Variants in GSTO1 observed in about 807,000 individuals in gnomAD.
The protein encoded by GSTO1 is glutathione S-transferase omega-1.
Under a neutral mutation model 23.8 loss-of-function variants are expected in GSTO1, and 27 were observed. The observed-to-expected ratio is 1.13, with a 90% CI of 0.83 to 1.56. The LOEUF (loss-of-function observed/expected upper bound fraction) is 1.56, where lower values mean the gene tolerates loss of function less well. Among genes scored for constraint, GSTO1 ranks in the 40% most tolerant of loss-of-function variants. The pLI, the probability that GSTO1 is intolerant of heterozygous loss-of-function variation, is 0.00. For synonymous variants in GSTO1, 105 were observed against 109.3 expected, an observed-to-expected ratio of 0.96 and a Z score of 0.25; for missense variants, 255 against 285.8, an observed-to-expected ratio of 0.89 and a Z score of 0.78.
intron 2 of GSTO1, among the ~76,000 whole-genome samples, chr10:104,255,571 T>G (rs1468019002): frequency 6.6e-6 from 1 of 152,176 alleles, no homozygotes; most frequent in African/African-American, 2.4e-5. Context: ...CAGCAGCTCT[T>G]TTAGCTTTGG....
At position 104,267,256 on chromosome 10, in the gene GSTO1, G is replaced by A; in HGVS notation, c.577G>A (p.Val193Ile). 7 of 1,611,742 alleles carry A rather than the reference G, an allele frequency of 4.3e-6. No homozygotes were observed. Among genetic ancestry groups the A allele is most frequent in the Non-Finnish European group, 5.9e-6 (7 of 1,178,396 alleles). The change falls in exon 6 of 6, where the codon GTA becomes ATA. Residue 193 changes from valine (V) to isoleucine (I), a missense_variant. Physicochemically the swap from Val to Ile is conservative, Grantham distance 29. Transcript: ENST00000369713. ...RLEAMKLNEC[V>I]DHTPKLKLWM... The stretch of plus-strand genomic sequence containing the variant: ...CATTTTTTCCTCTTCCCACAGGTGT[G>A]TAGACCACACTCCAAAACTGAAACT...
chr10:104,266,950 T>C (rs2011196356), intron 5 of GSTO1, among the ~76,000 whole-genome samples: 1 of 152,166 alleles, frequency 6.6e-6, no homozygotes, highest in African/African-American at 2.4e-5. Context: ...ATAATTAACA[T>C]AGAACATTCC....
chr10:104,255,660 T>G lies in GSTO1; in HGVS notation c.143+389T>G, dbSNP rs1157689026. On this transcript the variant is annotated intron_variant, in intron 2 of 5. Coordinates refer to ENST00000369713, the MANE Select transcript of GSTO1 (RefSeq NM_004832.3). The stretch of plus-strand genomic sequence containing the variant: ...CCCGTTCTTATTCCAGCTTAACTGT[T>G]AGTTGTTATTCTGAATGTATTGTTC... Among the ~76,000 whole-genome samples the G allele has an allele frequency of 2.6e-5, 4 of 152,300 alleles. No individual in the cohort carries two copies. The East Asian group carries it at 7.7e-4, about 29-fold the overall frequency.
intron 5 of GSTO1, among the ~76,000 whole-genome samples, chr10:104,266,495 G>A (rs540332901): frequency 2.0e-5 from 3 of 152,358 alleles, no homozygotes; most frequent in South Asian, 4.1e-4. Context: ...CCAGCACTTC[G>A]GGAGGCCGAG....
chr10:104,259,945 A>T (rs1394200882), intron 3 of GSTO1, 147 bp downstream of exon 3: 1 of 625,148 alleles, frequency 1.6e-6, no homozygotes, highest in Non-Finnish European at 2.9e-6. Context: ...AAGTCCTTTC[A>T]CGATCCAGTT....
Position 104,263,059 on chromosome 10 carries a change from AT to A in GSTO1, c.450del (p.Phe150LeufsTer4). ...AGLKEEFRKE[F>X]TKLEEVLTNK... is the part of the protein sequence containing the mutation. Reference sequence around the variant, plus strand: ...GCCTAAAAGAAGAATTTCGTAAAGAATTTACCAAGCTAGAGGAGGTAATTAT... The same window carrying A: ...GCCTAAAAGAAGAATTTCGTAAAGAATTACCAAGCTAGAGGAGGTAATTAT... On this transcript the variant is annotated frameshift_variant, in exon 4 of 6. Coordinates refer to ENST00000369713, the MANE Select transcript of GSTO1 (RefSeq NM_004832.3). LOFTEE classifies it high-confidence loss of function. 1 of 1,465,244 alleles carries A rather than the reference AT, an allele frequency of 6.8e-7. No homozygotes were observed. Among genetic ancestry groups the A allele is most frequent in the Non-Finnish European group, 9.6e-7 (1 of 1,046,194 alleles). The allele number at this position is 1,465,244 out of a possible 1,614,324, so 90.8% of individuals were successfully genotyped here.
At chr10:104,267,187 G>T in intron 5 of GSTO1, 65 bp from the exon 6 acceptor site, 3 of 994,634 alleles carry the variant, frequency 3.0e-6, no homozygotes, top group Non-Finnish European at 4.5e-6. Flanking sequence ...ATTACATATG[G>T]GAGACTCTGT....
At position 104,266,091 on chromosome 10, in the gene GSTO1, C is replaced by G. The variant is rs1171295245; in HGVS notation, c.473C>G (p.Thr158Ser). 2 of 1,563,742 alleles carry G rather than the reference C, an allele frequency of 1.3e-6. No homozygotes were observed. The highest frequency in any genetic ancestry group is 1.8e-6 in the Non-Finnish European group (2 of 1,134,406). Residue 158 changes from threonine (T) to serine (S), a missense_variant, in exon 5 of 6, where the codon ACT becomes AGT. By Grantham distance (58) the Thr-to-Ser change is moderately conservative (BLOSUM62 1). Transcript: ENST00000369713. ...ATGCTGTTTAATGTTCAGGTTCTGA[C>G]TAATAAGAAGACGACCTTCTTTGGT... ...KEFTKLEEVL[T>S]NKKTTFFGGN...
chr10:104,262,543 C>G (rs2011146340), intron 3 of GSTO1, among the ~76,000 whole-genome samples: 1 of 152,136 alleles, frequency 6.6e-6, no homozygotes, highest in African/African-American at 2.4e-5. Flanking sequence ...GAATCCCCAT[C>G]TCTACTAAAA....
At chr10:104,255,762 C>A (rs2091600270) in intron 2 of GSTO1, among the ~76,000 whole-genome samples, 1 of 152,210 alleles carries the variant, frequency 6.6e-6, no homozygotes, top group South Asian at 2.1e-4. Flanking sequence ...GAGTTTACTG[C>A]ACATATTCCT....
In GSTO1 at chr10:104,259,590, A is replaced by G. The variant is rs769393338; in HGVS notation, c.158A>G (p.Asn53Ser). 5.6e-6 allele frequency: 9 copies of G among 1,607,492 alleles called. No homozygotes were observed. In the South Asian group the frequency reaches 7.7e-5, roughly 14 times the overall value. ...GTGTCTTTCAGGCATGAAGTCATCAATATCAACCTGAAAAATAAGCCTGAG... is the reference window on the plus strand; with the variant it reads ...GTGTCTTTCAGGCATGAAGTCATCAGTATCAACCTGAAAAATAAGCCTGAG... ...KAKGIRHEVI[N>S]INLKNKPEWF... The change falls in exon 3 of 6, where the codon AAT (asparagine) becomes AGT (serine). Residue 53 changes from asparagine to serine, a missense_variant. Coordinates refer to ENST00000369713, the MANE Select transcript of GSTO1 (RefSeq NM_004832.3).
intron 5 of GSTO1, among the ~76,000 whole-genome samples, chr10:104,266,403 A>G (rs1229701608): frequency 6.6e-6 from 1 of 152,214 alleles, no homozygotes; most frequent in Non-Finnish European, 1.5e-5. Context: ...TGAGACATGT[A>G]GTAAAGTGCT....
At chr10:104,254,441 G>A (rs2091591382), upstream of GSTO1, 1 of 161,256 alleles carries the variant, frequency 6.2e-6, no homozygotes, top group Non-Finnish European at 1.4e-5. Context: ...GGAGTCAAGA[G>A]ATTTTTATTT....
rs45529437 is a variant in GSTO1, at chr10:104,255,223, G to A, written c.95G>A (p.Cys32Tyr). 6.8e-4 allele frequency: 1,090 copies of A among 1,613,922 alleles called. 1 individual carries two copies. The highest frequency in any genetic ancestry group is 8.7e-4 in the Non-Finnish European group (1,025 of 1,179,830). ...ATCCGCATCTACAGCATGAGGTTCTGCCCGTTTGCTGAGAGGACGCGTCTA... is the reference window on the plus strand; with the variant it reads ...ATCCGCATCTACAGCATGAGGTTCTACCCGTTTGCTGAGAGGACGCGTCTA... The part of the protein sequence containing the change: ...GSIRIYSMRF[C>Y]PFAERTRLVL... The change falls in exon 2 of 6, where the codon TGC becomes TAC. Residue 32 changes from cysteine (C) to tyrosine (Y), a missense_variant. Transcript: ENST00000369713.
In GSTO1 at chr10:104,257,593, A is replaced by G. The variant is rs189347737; in HGVS notation, c.144-1983A>G. On this transcript the variant is annotated intron_variant, in intron 2 of 5. Coordinates refer to ENST00000369713, the MANE Select transcript of GSTO1 (RefSeq NM_004832.3). ...TGGGTTTAAGCAATCCGCCCACTGCAGTCTCCCAAGGTTCTGGGATTACAG... is the reference window on the plus strand; with the variant it reads ...TGGGTTTAAGCAATCCGCCCACTGCGGTCTCCCAAGGTTCTGGGATTACAG... Among the ~76,000 whole-genome samples the G allele has an allele frequency of 3.9e-4, 59 of 152,290 alleles. 1 individual carries two copies. In the East Asian group the frequency reaches 0.011, roughly 28 times the overall value.
At chr10:104,258,334 G>C (rs1203443129) in intron 2 of GSTO1, among the ~76,000 whole-genome samples, 2 of 152,160 alleles carry the variant, frequency 1.3e-5, no homozygotes, top group East Asian at 3.9e-4. Flanking sequence ...CACTGGCCTT[G>C]GCAATGATTT....
At chr10:104,262,432 C>T (rs924248338) in intron 3 of GSTO1, among the ~76,000 whole-genome samples, 4 of 152,120 alleles carry the variant, frequency 2.6e-5, no homozygotes, top group African/African-American at 4.8e-5. Context: ...TTGTGTTGGC[C>T]GGGCGTGGTG....
chr10:104,254,599 G>C, upstream of GSTO1: 1 of 441,286 alleles, frequency 2.3e-6, no homozygotes, highest in Non-Finnish European at 4.2e-6. Flanking sequence ...GGGAGGTCAG[G>C]GTCAGGGTCA....
At chr10:104,261,808 G>A (rs1382113071) in intron 3 of GSTO1, among the ~76,000 whole-genome samples, 2 of 152,184 alleles carry the variant, frequency 1.3e-5, no homozygotes, top group Non-Finnish European at 2.9e-5. Context: ...AAACTAGGAT[G>A]AGTGGACTTC....
Sources: gnomAD v4.1 joint callset for allele counts (sites outside exome capture counted in the v4.1 genomes callset) on GRCh38, gnomAD v4.1.1 for gene constraint, MANE v1.5 for transcripts, NCBI Gene and HGNC (gene_info 2026-07-23, HGNC 2026-07-21) for gene names.